BANK1: variants seen among roughly 807,000 people sequenced by gnomAD.
The protein encoded by BANK1 is B-cell scaffold protein with ankyrin repeats.
BANK1 carries 95 observed loss-of-function variants against 94.5 expected under a neutral mutation model. The ratio of observed to expected loss-of-function variants is 1.00; its 90% CI spans 0.85 to 1.19. BANK1 has a LOEUF of 1.19. BANK1 is among the 50% of genes most tolerant of loss of function. BANK1 has a pLI of 0.00. For missense variants in BANK1, 987 were observed against 932.2 expected (o/e 1.06, Z -0.77); for synonymous variants, 334 against 308.4 (o/e 1.08, Z -0.87).
intron 7 of BANK1, among the ~76,000 whole-genome samples, chr4:101,965,494 T>C (rs189847149): frequency 1.3e-5 from 2 of 152,232 alleles, no homozygotes; most frequent in Admixed American, 6.6e-5. Flanking sequence ...GTTTATCTGA[T>C]ATCTAAAGAG....
rs751571888 is a variant in BANK1 at position 101,827,138 on chromosome 4, A to T, written c.71-2670A>T. 2.0e-5 allele frequency among the ~76,000 whole-genome samples: 3 copies of T among 152,010 alleles called. No homozygotes were observed. The East Asian group carries it at 5.8e-4, about 29-fold the overall frequency. ...TATAAAAATATAAGCAATATGGAAG[A>T]GTGAAGAAAAAGAAAGCCATATATC... is the stretch of plus-strand genomic sequence containing the variant. On this transcript the variant is annotated intron_variant, in intron 1 of 16. Coordinates refer to ENST00000322953, the MANE Select transcript of BANK1 (RefSeq NM_017935.5).
At position 102,018,231 on chromosome 4, in the gene BANK1, A is replaced by C. The variant is rs147951939; in HGVS notation, c.1207-3283A>C. 3.3e-3 allele frequency among the ~76,000 whole-genome samples: 504 copies of C among 152,304 alleles called. 3 individuals carry two copies. Among genetic ancestry groups the C allele is most frequent in the African/African-American group, 0.012 (485 of 41,584 alleles). On this transcript the variant is annotated intron_variant, in intron 7 of 16. Transcript: ENST00000322953. ...AATATTATCTCTAATTCTTCAGCCTAGTACATTTATTTGGGGTAATACATA... is the reference window on the plus strand; with the variant it reads ...AATATTATCTCTAATTCTTCAGCCTCGTACATTTATTTGGGGTAATACATA...
At chr4:101,837,268 C>T (rs1178271072) in intron 2 of BANK1, among the ~76,000 whole-genome samples, 2 of 152,056 alleles carry the variant, frequency 1.3e-5, no homozygotes, top group African/African-American at 4.8e-5. Context: ...TTTTGTGCTT[C>T]TAGAATTTAT....
At chr4:101,797,151 A>T (rs1725183810) in intron 1 of BANK1, among the ~76,000 whole-genome samples, 1 of 152,222 alleles carries the variant, frequency 6.6e-6, no homozygotes, top group African/African-American at 2.4e-5. Context: ...CTTAGAAAAC[A>T]AGAATTCAAT....
intron 3 of BANK1, among the ~76,000 whole-genome samples, chr4:101,862,285 T>C (rs1286073427): frequency 6.6e-6 from 1 of 152,058 alleles, no homozygotes; most frequent in African/African-American, 2.4e-5. Flanking sequence ...TTTCTTTAAG[T>C]TGCAAAATAT....
chr4:101,960,922 G>C (rs1455105611), intron 7 of BANK1, among the ~76,000 whole-genome samples: 2 of 152,074 alleles, frequency 1.3e-5, no homozygotes, highest in African/African-American at 4.8e-5. Flanking sequence ...CAAGATGGAA[G>C]GAATTAACTA....
chr4:101,810,098 CCA>C (rs1411066504), intron 1 of BANK1, among the ~76,000 whole-genome samples: 2 of 152,086 alleles, frequency 1.3e-5, no homozygotes, highest in African/African-American at 4.8e-5. Context: ...AGGACTTGGC[CCA>C]GTATCACTGG....
intron 2 of BANK1, among the ~76,000 whole-genome samples, chr4:101,840,904 A>C (rs1253414808): frequency 6.6e-6 from 1 of 152,118 alleles, no homozygotes; most frequent in Non-Finnish European, 1.5e-5. Context: ...ATCTCAGCTC[A>C]CTCTAAATTC....
intron 6 of BANK1, among the ~76,000 whole-genome samples, chr4:101,901,280 T>G (rs1436202299): frequency 1.3e-5 from 2 of 152,098 alleles, no homozygotes; most frequent in Non-Finnish European, 2.9e-5. Flanking sequence ...CCCAAATATA[T>G]AAAGCCACAA....
chr4:101,855,772 C>T (rs1263996157), intron 3 of BANK1, among the ~76,000 whole-genome samples: 1 of 152,008 alleles, frequency 6.6e-6, no homozygotes, highest in East Asian at 1.9e-4. Flanking sequence ...AATGAAGAAA[C>T]ATGTATTAAA....
intron 7 of BANK1, among the ~76,000 whole-genome samples, chr4:101,956,921 G>A (rs572656327): frequency 6.6e-6 from 1 of 152,100 alleles, no homozygotes; most frequent in Non-Finnish European, 1.5e-5. Flanking sequence ...TTTAAAAATA[G>A]GGTCCTTGCC....
intron 7 of BANK1, among the ~76,000 whole-genome samples, chr4:101,956,057 T>G (rs1007964150): frequency 1.3e-5 from 2 of 152,178 alleles, no homozygotes; most frequent in African/African-American, 4.8e-5. Flanking sequence ...CTCCTATAGA[T>G]TTTTTTAGAA....
At chr4:101,923,936 G>T (rs867478241) in intron 7 of BANK1, among the ~76,000 whole-genome samples, 1 of 151,592 alleles carries the variant, frequency 6.6e-6, no homozygotes, top group African/African-American at 2.4e-5. Flanking sequence ...TGTTTGTAGA[G>T]CCCCAAAGAG....
intron 7 of BANK1, among the ~76,000 whole-genome samples, chr4:102,012,483 T>TA (rs1369621703): frequency 6.6e-6 from 1 of 152,154 alleles, no homozygotes; most frequent in Non-Finnish European, 1.5e-5. Context: ...TGCAACAATA[T>TA]AAACTTTAAG....
At chr4:101,936,850 C>T (rs1723582583) in intron 7 of BANK1, among the ~76,000 whole-genome samples, 2 of 151,616 alleles carry the variant, frequency 1.3e-5, no homozygotes, top group Admixed American at 6.6e-5. Flanking sequence ...CTCTCATACA[C>T]TGTTGGTGGG....
At chr4:102,031,379 T>C (rs936835193) in intron 10 of BANK1, among the ~76,000 whole-genome samples, 1 of 152,192 alleles carries the variant, frequency 6.6e-6, no homozygotes, top group African/African-American at 2.4e-5. Flanking sequence ...TTTCTCCCAC[T>C]CTGTAGGTTG....
intron 10 of BANK1, among the ~76,000 whole-genome samples, chr4:102,039,249 A>C (rs1470656748): frequency 1.3e-5 from 2 of 152,122 alleles, no homozygotes; most frequent in African/African-American, 4.8e-5. Context: ...TGTATTTGAT[A>C]AGGTTTCTCA....
intron 7 of BANK1, among the ~76,000 whole-genome samples, chr4:101,942,709 C>A (rs913775917): frequency 6.6e-5 from 10 of 151,570 alleles, no homozygotes; most frequent in African/African-American, 9.7e-5. Context: ...TAATTCCATG[C>A]ACAGAAAGGG....
rs746862290 is a variant in BANK1, at chr4:102,060,323, G to A, written c.2082G>A (p.Met694Ile). ...AAGTAAAGAATGGGAAAATGTCTAT[G>A]GATGAAGCTCTGGAGAAATTTAAAC... ...QEKVKNGKMS[M>I]DEALEKFKHW... is the part of the protein sequence containing the mutation. Residue 694 changes from methionine (M) to isoleucine (I), a missense_variant, in exon 12 of 17, where the codon ATG becomes ATA. Physicochemically the swap from Met to Ile is conservative, Grantham distance 10 (BLOSUM62 1). Coordinates refer to ENST00000322953, the MANE Select transcript of BANK1 (RefSeq NM_017935.5). 2 of 1,610,256 alleles carry A rather than the reference G, an allele frequency of 1.2e-6. No homozygotes were observed. The highest frequency in any genetic ancestry group is 1.7e-6 in the Non-Finnish European group (2 of 1,178,706).
Sources: gnomAD v4.1 joint callset for allele counts (sites outside exome capture counted in the v4.1 genomes callset) on GRCh38, gnomAD v4.1.1 for gene constraint, MANE v1.5 for transcripts, NCBI Gene and HGNC (gene_info 2026-07-23, HGNC 2026-07-21) for gene names.